The following TSC22D1 variants were observed in gnomAD, a reference collection of about 807,000 sequenced individuals.
TSC22D1 encodes the protein TSC22 domain family protein 1.
A neutral mutation model predicts 74.2 loss-of-function variants in TSC22D1; 9 were observed. The ratio of observed to expected loss-of-function variants is 0.12; its 90% CI spans 0.07 to 0.21. TSC22D1 has a LOEUF of 0.21. Among genes scored for constraint, TSC22D1 ranks in the 10% least tolerant of loss-of-function variants. The pLI is 1.00. For missense variants in TSC22D1, 1,427 were observed against 1,304.7 expected (o/e 1.09, Z -1.44); for synonymous variants, 586 against 492.5 (o/e 1.19, Z -2.51).
intron 1 of TSC22D1, chr13:44,538,464 C>A: frequency 1.0e-6 from 1 of 985,332 alleles, no homozygotes; most frequent in African/African-American, 1.7e-5. Flanking sequence ...TCCTCTACTA[C>A]TTAAAAAAAT....
chr13:44,563,735 T>C (rs113504195), intron 1 of TSC22D1, among the ~76,000 whole-genome samples: 253 of 152,356 alleles, frequency 1.7e-3, no homozygotes, highest in African/African-American at 5.9e-3. Flanking sequence ...CTGTGAACTT[T>C]GCTTATGTCA....
At chr13:44,567,317 A>C (rs74068242) in intron 1 of TSC22D1, among the ~76,000 whole-genome samples, 1 of 152,224 alleles carries the variant, frequency 6.6e-6, no homozygotes, top group South Asian at 2.1e-4. Context: ...CAAACACCAC[A>C]GCCAGGTTAC....
intron 1 of TSC22D1, among the ~76,000 whole-genome samples, chr13:44,551,340 T>A (rs1278326036): frequency 6.8e-6 from 1 of 146,464 alleles, no homozygotes; most frequent in Admixed American, 6.8e-5. Flanking sequence ...TGTGTGTGTG[T>A]GACCCTGTCT....
intron 1 of TSC22D1, chr13:44,537,510 T>C: frequency 1.0e-6 from 1 of 985,200 alleles, no homozygotes; most frequent in Non-Finnish European, 1.2e-6. Context: ...AAGCGGTTTC[T>C]ACTGTGGTTC....
chr13:44,446,875 C>CA (rs1555263865), intron 1 of TSC22D1, among the ~76,000 whole-genome samples: 257 of 151,610 alleles, frequency 1.7e-3, no homozygotes, highest in African/African-American at 4.9e-3. Flanking sequence ...GAAAAAGAAA[C>CA]ATATTTTTAA....
intron 1 of TSC22D1, chr13:44,536,935 A>C (rs1881169052): frequency 1.3e-6 from 1 of 794,880 alleles, no homozygotes; most frequent in Non-Finnish European, 1.5e-6. Context: ...TGAAAAAAAA[A>C]AAAAAAAAAA....
chr13:44,549,219 T>C (rs1053047868), intron 1 of TSC22D1, among the ~76,000 whole-genome samples: 1 of 152,146 alleles, frequency 6.6e-6, no homozygotes, highest in Non-Finnish European at 1.5e-5. Context: ...TAATAAAAAA[T>C]ATAAATATGA....
Position 44,573,057 on chromosome 13 carries a change from A to AAAATG in TSC22D1, c.2912+105_2912+106insCATTT, listed in dbSNP as rs113276444. On this transcript the variant is annotated intron_variant, in intron 1 of 2. Coordinates refer to ENST00000458659, the MANE Select transcript of TSC22D1 (RefSeq NM_183422.4). Reference sequence around the variant, plus strand: ...CATAAAAATGCATTTTTCACATACAAAACACAATATACAATGTTTTAGAGT... The same window carrying AAAATG: ...CATAAAAATGCATTTTTCACATACAAAAATGAACACAATATACAATGTTTTAGAGT... 922 of 1,446,658 alleles carry AAAATG rather than the reference A, an allele frequency of 6.4e-4. 9 individuals carry two copies. The African/African-American group carries it at 0.012, about 18-fold the overall frequency. The allele number at this position is 1,446,658 out of a possible 1,614,324, so 89.6% of individuals were successfully genotyped here.
chr13:44,449,222 G>T (rs9533855), intron 1 of TSC22D1, among the ~76,000 whole-genome samples: 14,216 of 152,246 alleles, frequency 0.093, 713 homozygotes, highest in Non-Finnish European at 0.1. Context: ...TGCCAGTGAG[G>T]TCTACAGTTT....
chr13:44,491,381 G>T (rs1878710122), intron 1 of TSC22D1, among the ~76,000 whole-genome samples: 1 of 151,930 alleles, frequency 6.6e-6, no homozygotes, highest in Non-Finnish European at 1.5e-5. Context: ...GTGAAACCCT[G>T]TCTCTATTAA....
intron 1 of TSC22D1, among the ~76,000 whole-genome samples, chr13:44,494,227 T>C (rs1878852697): frequency 6.6e-6 from 1 of 151,178 alleles, no homozygotes; most frequent in Admixed American, 6.6e-5. Context: ...AATACAAAAA[T>C]TAGCCAGGCG....
chr13:44,515,204 T>C (rs1595130320), intron 1 of TSC22D1, among the ~76,000 whole-genome samples: 1 of 152,310 alleles, frequency 6.6e-6, no homozygotes, highest in East Asian at 1.9e-4. Context: ...TACAGTATTA[T>C]ATTTAGTAGC....
intron 1 of TSC22D1, among the ~76,000 whole-genome samples, chr13:44,572,758 C>A (rs1282888331): frequency 6.6e-6 from 1 of 152,260 alleles, no homozygotes; most frequent in East Asian, 1.9e-4. Context: ...AAAGGGATGT[C>A]TAGTAAAGGA....
chr13:44,432,815 C>G lies in TSC22D1; in HGVS notation c.*1811G>C, dbSNP rs1225833076. 6.6e-6 allele frequency: 1 copy of G among 152,224 alleles called. No individual in the cohort carries two copies. Among genetic ancestry groups the G allele is most frequent in the African/African-American group, 2.4e-5 (1 of 41,442 alleles). 9.4% of individuals were successfully genotyped at this position (152,224 alleles called of 1,614,324 possible). On this transcript the variant is annotated 3_prime_UTR_variant, in exon 3 of 3. Transcript: ENST00000458659. ...AGATTACAGAGCCGGTAAACCCACC[C>G]CATTCACTTGCTCGCTCACGTTACT...
chr13:44,450,416 G>A (rs1172974717), intron 1 of TSC22D1, among the ~76,000 whole-genome samples: 2 of 152,178 alleles, frequency 1.3e-5, no homozygotes, highest in African/African-American at 4.8e-5. Context: ...GGTTTAAAGG[G>A]GGCAAATGAT....
chr13:44,538,122 G>C (rs141148986), intron 1 of TSC22D1: 5 of 985,140 alleles, frequency 5.1e-6, no homozygotes, highest in Non-Finnish European at 6.0e-6. Flanking sequence ...CTAATACTAA[G>C]TGCTTCTGCT....
At chr13:44,457,637 C>CAAAAAAAAAAAA (rs10692086) in intron 1 of TSC22D1, among the ~76,000 whole-genome samples, 2 of 85,416 alleles carry the variant, frequency 2.3e-5, no homozygotes, top group Non-Finnish European at 4.4e-5. Flanking sequence ...AAGCAAATAG[C>CAAAAAAAAAAAA]AAAAAAAAAA....
At chr13:44,535,787 A>G (rs973479037) in intron 1 of TSC22D1, among the ~76,000 whole-genome samples, 2 of 151,922 alleles carry the variant, frequency 1.3e-5, no homozygotes, top group African/African-American at 2.4e-5. Context: ...ATTCTGTAGT[A>G]TTTTTATTTT....
In TSC22D1 at chr13:44,433,035, A is replaced by C. The variant is rs1293827416; in HGVS notation, c.*1591T>G. 6.6e-6 allele frequency: 1 copy of C among 152,148 alleles called. No homozygotes were observed. The highest frequency in any genetic ancestry group is 1.5e-5 in the Non-Finnish European group (1 of 68,034). 9.4% of individuals were successfully genotyped at this position (152,148 alleles called of 1,614,324 possible). A position where few individuals can be genotyped will look rare whatever the true frequency, so the allele number is the denominator to read the frequency against. On this transcript the variant is annotated 3_prime_UTR_variant, in exon 3 of 3. Coordinates refer to ENST00000458659, the MANE Select transcript of TSC22D1 (RefSeq NM_183422.4). ...AAACGAATTATCCCAGGAGCTAGAAACTCATCCTACACTAGGAGAAACATC... is the reference window on the plus strand; with the variant it reads ...AAACGAATTATCCCAGGAGCTAGAACCTCATCCTACACTAGGAGAAACATC...
Sources: gnomAD v4.1 joint callset for allele counts (sites outside exome capture counted in the v4.1 genomes callset) on GRCh38, gnomAD v4.1.1 for gene constraint, MANE v1.5 for transcripts, NCBI Gene and HGNC (gene_info 2026-07-23, HGNC 2026-07-21) for gene names.